CSMD1: variants seen among roughly 807,000 people sequenced by gnomAD.
CSMD1 encodes CUB and sushi domain-containing protein 1.
CSMD1 carries 213 observed loss-of-function variants against 417.5 expected under a neutral mutation model. The observed-to-expected ratio is 0.51, with a 90% CI of 0.46 to 0.57. The LOEUF is 0.57. Ranked by LOEUF, CSMD1 falls within the 20% of genes least tolerant of loss-of-function variation. The probability of loss-of-function intolerance (pLI) is 0.00; values close to 1 mark genes in which losing one functional copy is unlikely to be tolerated. For synonymous variants in CSMD1, 2,862 were observed against 1,736.8 expected, an observed-to-expected ratio of 1.65 and a Z score of -16.11; for missense variants, 6,923 against 4,529.7, an observed-to-expected ratio of 1.53 and a Z score of -15.17.
At chr8:3,284,832 T>C (rs1249531825) in intron 25 of CSMD1, among the ~76,000 whole-genome samples, 3 of 152,176 alleles carry the variant, frequency 2.0e-5, no homozygotes, top group African/African-American at 7.2e-5. Flanking sequence ...TGTGTCTGAA[T>C]GGTCTGCTCT....
intron 3 of CSMD1, among the ~76,000 whole-genome samples, chr8:4,033,513 G>C (rs898023261): frequency 6.6e-6 from 1 of 152,124 alleles, no homozygotes; most frequent in Non-Finnish European, 1.5e-5. Context: ...ACTTCCAGTT[G>C]TCCCGCCTTT....
chr8:4,124,627 A>T (rs1014509012), intron 3 of CSMD1, among the ~76,000 whole-genome samples: 2 of 152,164 alleles, frequency 1.3e-5, no homozygotes, highest in South Asian at 4.1e-4. Context: ...GCCAGACCTC[A>T]CTGGCAAGGC....
At chr8:3,910,615 A>G (rs1808401649) in intron 5 of CSMD1, among the ~76,000 whole-genome samples, 2 of 152,206 alleles carry the variant, frequency 1.3e-5, no homozygotes, top group African/African-American at 4.8e-5. Flanking sequence ...AAGACAGATG[A>G]TTTTAATATA....
At chr8:4,316,176 G>C (rs1484564862) in intron 3 of CSMD1, among the ~76,000 whole-genome samples, 3 of 152,116 alleles carry the variant, frequency 2.0e-5, no homozygotes, top group Non-Finnish European at 4.4e-5. Context: ...ATGTAGATTA[G>C]CTAAATTTCA....
intron 5 of CSMD1, among the ~76,000 whole-genome samples, chr8:3,873,203 C>T (rs896430667): frequency 3.9e-5 from 6 of 152,078 alleles, no homozygotes; most frequent in African/African-American, 1.4e-4. Flanking sequence ...CCTTTACTGG[C>T]TATGTAGCCA....
At chr8:4,030,970 G>A (rs531746772) in intron 4 of CSMD1, among the ~76,000 whole-genome samples, 1 of 152,022 alleles carries the variant, frequency 6.6e-6, no homozygotes, top group Non-Finnish European at 1.5e-5. Context: ...ATCACCTTTG[G>A]TCCAGTTATG....
chr8:3,076,151 A>AGT (rs1813664603), intron 49 of CSMD1, among the ~76,000 whole-genome samples: 1 of 152,224 alleles, frequency 6.6e-6, no homozygotes, highest in Admixed American at 6.5e-5. Context: ...ACCACAGAAC[A>AGT]ACAGAAATGG....
At chr8:4,338,796 T>A (rs945822729) in intron 3 of CSMD1, among the ~76,000 whole-genome samples, 1 of 152,130 alleles carries the variant, frequency 6.6e-6, no homozygotes. Flanking sequence ...GATATTAGTT[T>A]AATGTTGCAA....
intron 2 of CSMD1, among the ~76,000 whole-genome samples, chr8:4,481,834 A>G (rs56289003): frequency 0.15 from 22,478 of 152,206 alleles, 1,867 homozygotes; most frequent in South Asian, 0.26. Flanking sequence ...CCCAGGAGGT[A>G]GGTACTCCAC....
intron 3 of CSMD1, among the ~76,000 whole-genome samples, chr8:4,082,508 G>T (rs961120981): frequency 6.6e-6 from 1 of 151,920 alleles, no homozygotes; most frequent in Non-Finnish European, 1.5e-5. Context: ...GTCTGTCAAA[G>T]ACCTAAAAAA....
intron 5 of CSMD1, among the ~76,000 whole-genome samples, chr8:3,896,041 C>T (rs1440603841): frequency 6.6e-6 from 1 of 152,214 alleles, no homozygotes; most frequent in African/African-American, 2.4e-5. Context: ...GAAGAAATGA[C>T]TGCGGAGCGC....
At chr8:4,272,409 G>A (rs1009922526) in intron 3 of CSMD1, among the ~76,000 whole-genome samples, 2 of 151,934 alleles carry the variant, frequency 1.3e-5, no homozygotes, top group African/African-American at 2.4e-5. Flanking sequence ...TAGACAATGA[G>A]GATTACATAT....
chr8:4,311,899 C>A (rs1460236249), intron 3 of CSMD1, among the ~76,000 whole-genome samples: 1 of 151,830 alleles, frequency 6.6e-6, no homozygotes, highest in Non-Finnish European at 1.5e-5. Flanking sequence ...ATACATGCAA[C>A]GAACCCCCAT....
At chr8:3,295,542 A>C (rs1159535040) in intron 25 of CSMD1, among the ~76,000 whole-genome samples, 2 of 152,178 alleles carry the variant, frequency 1.3e-5, no homozygotes, top group Non-Finnish European at 2.9e-5. Flanking sequence ...ACTAAAGGTC[A>C]GTTTGTTTCT....
At chr8:3,380,403 G>C (rs564742983) in intron 18 of CSMD1, among the ~76,000 whole-genome samples, 1 of 152,238 alleles carries the variant, frequency 6.6e-6, no homozygotes, top group East Asian at 1.9e-4. Context: ...GTACCCAAAG[G>C]ATTATAAATC....
At chr8:3,634,878 T>G (rs562182109) in intron 7 of CSMD1, among the ~76,000 whole-genome samples, 1 of 152,108 alleles carries the variant, frequency 6.6e-6, no homozygotes, top group Admixed American at 6.6e-5. Context: ...CAATCCTAGA[T>G]AGTAGAGCCT....
At chr8:3,394,553 A>G (rs80210739) in intron 17 of CSMD1, among the ~76,000 whole-genome samples, 2,294 of 152,166 alleles carry the variant, frequency 0.015, 56 homozygotes, top group African/African-American at 0.052. Context: ...ATATTTGTCA[A>G]TGCCTGAAAA....
At chr8:3,825,560 G>A (rs1435812313) in intron 5 of CSMD1, among the ~76,000 whole-genome samples, 1 of 145,292 alleles carries the variant, frequency 6.9e-6, no homozygotes, top group African/African-American at 2.6e-5. Flanking sequence ...GTGGGGCTGA[G>A]GGTGGTGTTT....
chr8:4,505,004 G>T (rs1020336731), intron 2 of CSMD1, among the ~76,000 whole-genome samples: 1 of 152,126 alleles, frequency 6.6e-6, no homozygotes, highest in Non-Finnish European at 1.5e-5. Context: ...ACCCAGTAAT[G>T]GGATTGCTGT....
Sources: allele counts gnomAD v4.1 joint callset (sites outside exome capture counted in the v4.1 genomes callset), GRCh38; gene constraint gnomAD v4.1.1; transcripts MANE v1.5; gene names NCBI Gene and HGNC (gene_info 2026-07-23, HGNC 2026-07-21).